The following APLF variants were observed in gnomAD, a reference collection of about 807,000 sequenced individuals.
APLF encodes aprataxin and PNKP like factor.
APLF carries 61 observed loss-of-function variants against 55.6 expected under a neutral mutation model. The observed-to-expected ratio is 1.10, with a 90% CI of 0.89 to 1.36. APLF has a LOEUF of 1.36. Ranked by LOEUF, APLF falls within the 40% of genes most tolerant of loss-of-function variation. The pLI is 0.00. For missense variants in APLF, 611 were observed against 602.5 expected (o/e 1.01, Z -0.15); for synonymous variants, 207 against 214.8 (o/e 0.96, Z 0.32).
chr2:68,521,610 C>A (rs2103974978), intron 5 of APLF, among the ~76,000 whole-genome samples: 1 of 151,944 alleles, frequency 6.6e-6, no homozygotes, highest in Middle Eastern at 3.4e-3. Context: ...TTTCAGCCTT[C>A]CAGGCCACAA....
At chr2:68,533,560 T>C (rs1445481500) in intron 6 of APLF, among the ~76,000 whole-genome samples, 1 of 152,150 alleles carries the variant, frequency 6.6e-6, no homozygotes, top group Non-Finnish European at 1.5e-5. Context: ...GCAATTCTTT[T>C]ATGACATGTT....
chr2:68,541,774 GT>G (rs888527735), intron 7 of APLF, among the ~76,000 whole-genome samples: 1 of 151,774 alleles, frequency 6.6e-6, no homozygotes, highest in African/African-American at 2.4e-5. Context: ...AATCCTAATG[GT>G]TTTTTTTGGC....
intron 6 of APLF, among the ~76,000 whole-genome samples, chr2:68,534,543 G>A (rs778018910): frequency 5.3e-5 from 8 of 151,978 alleles, no homozygotes; most frequent in Non-Finnish European, 1.0e-4. Flanking sequence ...GAAGTTAACC[G>A]GCTATTTTAA....
At chr2:68,548,632 C>T (rs1382899225) in intron 8 of APLF, among the ~76,000 whole-genome samples, 1 of 151,908 alleles carries the variant, frequency 6.6e-6, no homozygotes, top group East Asian at 1.9e-4. Context: ...TTGAGATGTA[C>T]TTGTAGAACA....
chr2:68,505,182 A>G (rs1192661156), intron 3 of APLF, among the ~76,000 whole-genome samples: 2 of 152,088 alleles, frequency 1.3e-5, no homozygotes, highest in Non-Finnish European at 2.9e-5. Flanking sequence ...CTCTTATCAT[A>G]CATGTATGAA....
At chr2:68,468,916 G>T (rs1573134046) in intron 1 of APLF, among the ~76,000 whole-genome samples, 1 of 152,060 alleles carries the variant, frequency 6.6e-6, no homozygotes, top group South Asian at 2.1e-4. Flanking sequence ...ATTGGTACTT[G>T]CCTTAGGTCC....
intron 7 of APLF, among the ~76,000 whole-genome samples, chr2:68,544,655 C>G (rs1396651082): frequency 6.6e-6 from 1 of 151,590 alleles, no homozygotes; most frequent in Non-Finnish European, 1.5e-5. Context: ...GAGTTTTAAT[C>G]TTTTTTTTAG....
At chr2:68,509,551 T>A (rs991046134) in intron 3 of APLF, among the ~76,000 whole-genome samples, 7 of 152,024 alleles carry the variant, frequency 4.6e-5, no homozygotes, top group African/African-American at 9.7e-5. Context: ...TGGTGATCAT[T>A]AAAAAGTCAG....
At chr2:68,469,252 C>T (rs932072951) in intron 1 of APLF, among the ~76,000 whole-genome samples, 1 of 152,072 alleles carries the variant, frequency 6.6e-6, no homozygotes, top group Non-Finnish European at 1.5e-5. Context: ...TGTGCTTAAT[C>T]TAGTAATCAT....
At chr2:68,517,561 C>G (rs1328316722) in intron 5 of APLF, among the ~76,000 whole-genome samples, 2 of 141,774 alleles carry the variant, frequency 1.4e-5, no homozygotes, top group Admixed American at 7.2e-5. Flanking sequence ...ATGTTAATAA[C>G]ATATAACAAT....
intron 3 of APLF, among the ~76,000 whole-genome samples, chr2:68,503,491 G>A (rs73934384): frequency 0.013 from 1,986 of 152,112 alleles, 41 homozygotes; most frequent in African/African-American, 0.044. Context: ...AGAAGTAGAT[G>A]GACAGAATTA....
chr2:68,467,915 C>G (rs1022133386), intron 1 of APLF, 88 bp downstream of exon 1: 32 of 1,003,992 alleles, frequency 3.2e-5, no homozygotes, highest in Non-Finnish European at 3.8e-5. Flanking sequence ...TGGCCGGTTT[C>G]CCCACCGCAC....
At chr2:68,528,327 T>C (rs1670140490) in intron 6 of APLF, 2 of 1,459,838 alleles carry the variant, frequency 1.4e-6, no homozygotes, top group Non-Finnish European at 1.9e-6. Flanking sequence ...TTCTTACGCA[T>C]GTTGCCCTGC....
intron 5 of APLF, among the ~76,000 whole-genome samples, chr2:68,514,149 C>A (rs1202552696): frequency 6.6e-6 from 1 of 151,550 alleles, no homozygotes; most frequent in Non-Finnish European, 1.5e-5. Context: ...CTCTTTGGTT[C>A]TTTTGTGTAA....
chr2:68,479,120 C>G (rs1360487876), intron 1 of APLF, among the ~76,000 whole-genome samples: 2 of 152,136 alleles, frequency 1.3e-5, no homozygotes, highest in Admixed American at 1.3e-4. Context: ...AACACAGCAT[C>G]TCTAATTCAG....
At chr2:68,479,175 A>T (rs1675874834) in intron 1 of APLF, among the ~76,000 whole-genome samples, 1 of 152,190 alleles carries the variant, frequency 6.6e-6, no homozygotes, top group South Asian at 2.1e-4. Flanking sequence ...CTCATTATAC[A>T]CAGTACTCTA....
At chr2:68,570,137 TC>T (rs1303048032) in intron 9 of APLF, among the ~76,000 whole-genome samples, 1 of 152,064 alleles carries the variant, frequency 6.6e-6, no homozygotes, top group African/African-American at 2.4e-5. Context: ...TAGGTTGGAC[TC>T]CTGTCATTTG....
At chr2:68,468,406 G>A (rs761371124) in intron 1 of APLF, among the ~76,000 whole-genome samples, 6 of 152,068 alleles carry the variant, frequency 3.9e-5, no homozygotes, top group Non-Finnish European at 8.8e-5. Flanking sequence ...TAAGTAATGT[G>A]TATAGCGTTC....
At position 68,526,289 on chromosome 2, in the gene APLF, TTAGA is replaced by T; in HGVS notation, c.804+52_804+55del. ...TTTGATTGTTTTTTTGTTAGGTGTT[TTAGA>T]TAGAAATTAATCATATGCTATATAA... On this transcript the variant is annotated intron_variant, in intron 6 of 9. Transcript: ENST00000303795. 3 of 1,563,806 alleles carry T rather than the reference TTAGA, an allele frequency of 1.9e-6. No individual in the cohort carries two copies. The South Asian group carries it at 3.5e-5, about 18-fold the overall frequency.
Sources: gnomAD v4.1 joint callset for allele counts (sites outside exome capture counted in the v4.1 genomes callset) on GRCh38, gnomAD v4.1.1 for gene constraint, MANE v1.5 for transcripts, NCBI Gene and HGNC (gene_info 2026-07-23, HGNC 2026-07-21) for gene names.